The following SEC63 variants were observed in gnomAD, a reference collection of about 807,000 sequenced individuals.
The protein encoded by SEC63 is SEC63 protein translocation regulator.
A neutral mutation model predicts 116.2 loss-of-function variants in SEC63; 56 were observed. The observed-to-expected ratio is 0.48, with a 90% CI of 0.39 to 0.60. SEC63 has a LOEUF of 0.60. Ranked by LOEUF, SEC63 falls within the 20% of genes least tolerant of loss-of-function variation. The pLI is 0.00. For missense variants in SEC63, 668 were observed against 900.0 expected (o/e 0.74, Z 3.30); for synonymous variants, 273 against 294.6 (o/e 0.93, Z 0.75).
chr6:107,924,711 C>A, intron 3 of SEC63, 107 bp downstream of exon 3: 1 of 678,374 alleles, frequency 1.5e-6, no homozygotes, highest in South Asian at 1.6e-5. Context: ...AACAAACTGA[C>A]CAAAGTCTGA....
chr6:107,876,943 A>G (rs749928255), intron 18 of SEC63: 4 of 368,162 alleles, frequency 1.1e-5, no homozygotes, highest in Non-Finnish European at 1.0e-5. Context: ...ACTAACCTTA[A>G]GTAACAAGCA....
At chr6:107,953,614 T>G (rs1300033020) in intron 1 of SEC63, among the ~76,000 whole-genome samples, 2 of 108,350 alleles carry the variant, frequency 1.8e-5, no homozygotes, top group Non-Finnish European at 1.8e-5. Context: ...GTCCGGGAGG[T>G]GAGGGGCGCC....
At chr6:107,925,652 G>A (rs1218989969) in intron 2 of SEC63, among the ~76,000 whole-genome samples, 1 of 152,180 alleles carries the variant, frequency 6.6e-6, no homozygotes, top group Admixed American at 6.5e-5. Flanking sequence ...AAGAAAAAGA[G>A]AAACTCTCAT....
intron 18 of SEC63, among the ~76,000 whole-genome samples, chr6:107,878,230 T>C (rs1786325991): frequency 6.6e-6 from 1 of 152,266 alleles, no homozygotes; most frequent in Admixed American, 6.5e-5. Context: ...GTTATTTCAC[T>C]TCCCTAAAAT....
chr6:107,951,754 C>T (rs1232965728), intron 1 of SEC63, among the ~76,000 whole-genome samples: 2 of 151,740 alleles, frequency 1.3e-5, no homozygotes, highest in Non-Finnish European at 2.9e-5. Flanking sequence ...GAGGCTGAGG[C>T]AGGCGGATCA....
At position 107,958,126 on chromosome 6, in the gene SEC63, T is replaced by A; in HGVS notation, c.-117A>T. ...GCTTGGACACTGCCGCCGCCGCCTC[T>A]CCTCCCCGCCCCCACGCCACTCTCA... On this transcript the variant is annotated 5_prime_UTR_variant, in exon 1 of 21. Coordinates refer to ENST00000369002, the MANE Select transcript of SEC63 (RefSeq NM_007214.5). The A allele has an allele frequency of 6.7e-7, 1 of 1,484,662 alleles. No individual in the cohort carries two copies. The highest frequency in any genetic ancestry group is 1.1e-5 in the South Asian group (1 of 87,322). The allele number at this position is 1,484,662 out of a possible 1,614,324, so 92.0% of individuals were successfully genotyped here.
At position 107,896,697 on chromosome 6, in the gene SEC63, G is replaced by A. The variant is rs139054797; in HGVS notation, c.1440+952C>T. Reference sequence around the variant, plus strand: ...TTTCCTAAAGAAAATGAGAGAGACGGGCTGAGTGCGGTAGCTCACGCCTGT... The same window carrying A: ...TTTCCTAAAGAAAATGAGAGAGACGAGCTGAGTGCGGTAGCTCACGCCTGT... On this transcript the variant is annotated intron_variant, in intron 14 of 20. Transcript: ENST00000369002. Among the ~76,000 whole-genome samples the A allele has an allele frequency of 1.4e-4, 21 of 152,248 alleles. No individual in the cohort carries two copies. In the East Asian group the frequency reaches 3.9e-3, roughly 28 times the overall value.
chr6:107,922,500 C>T (rs548443442), intron 3 of SEC63, among the ~76,000 whole-genome samples: 8 of 152,102 alleles, frequency 5.3e-5, no homozygotes, highest in Non-Finnish European at 7.4e-5. Flanking sequence ...AGTGAGACTT[C>T]GTCTCTCAAA....
chr6:107,879,887 G>A (rs568223990), intron 18 of SEC63, among the ~76,000 whole-genome samples: 2 of 152,118 alleles, frequency 1.3e-5, no homozygotes, highest in East Asian at 3.9e-4. Context: ...CACAGCACTT[G>A]GCCACTAATA....
At chr6:107,892,541 G>T (rs1221671993) in intron 16 of SEC63, among the ~76,000 whole-genome samples, 2 of 152,118 alleles carry the variant, frequency 1.3e-5, no homozygotes, top group South Asian at 4.2e-4. Flanking sequence ...GATGAAAGAT[G>T]ACCTCACTGA....
At chr6:107,911,269 A>C in intron 7 of SEC63, 77 bp downstream of exon 7, 1 of 967,650 alleles carries the variant, frequency 1.0e-6, no homozygotes, top group Non-Finnish European at 1.7e-6. Flanking sequence ...ACATACATTT[A>C]AAATGTTATA....
At chr6:107,932,408 C>T (rs893781189) in intron 1 of SEC63, among the ~76,000 whole-genome samples, 2 of 152,122 alleles carry the variant, frequency 1.3e-5, no homozygotes, top group Non-Finnish European at 2.9e-5. Flanking sequence ...TACCTTGTTA[C>T]CACCATGCTT....
chr6:107,953,656 A>AG (rs1249381760), intron 1 of SEC63, among the ~76,000 whole-genome samples: 1 of 132,912 alleles, frequency 7.5e-6, no homozygotes, highest in Non-Finnish European at 1.6e-5. Flanking sequence ...GCAAGTGAGG[A>AG]GCCCCTCTGC....
rs553571645 is a variant in SEC63 at position 107,900,246 on chromosome 6, T to C, written c.1357+1124A>G. On this transcript the variant is annotated intron_variant, in intron 13 of 20. Coordinates refer to ENST00000369002, the MANE Select transcript of SEC63 (RefSeq NM_007214.5). ...AACTCCTGGGTTCAAGTGATCCCCC[T>C]GCCTTGGCCTCCCAAAGTGTTGGGA... Among the ~76,000 whole-genome samples, 227 of 151,476 alleles carry C rather than the reference T, an allele frequency of 1.5e-3. 3 individuals carry two copies. Among genetic ancestry groups the C allele is most frequent in the African/African-American group, 5.2e-3 (216 of 41,382 alleles).
At chr6:107,875,988 T>C (rs535357483) in intron 19 of SEC63, among the ~76,000 whole-genome samples, 3 of 152,182 alleles carry the variant, frequency 2.0e-5, no homozygotes, top group South Asian at 4.2e-4. Context: ...ATCAACATCA[T>C]AGGGCTATCT....
intron 19 of SEC63, among the ~76,000 whole-genome samples, chr6:107,875,111 G>A (rs999958980): frequency 3.9e-5 from 6 of 152,076 alleles, no homozygotes; most frequent in African/African-American, 9.6e-5. Context: ...TGATCTGCCC[G>A]CCTTGGCCTC....
At chr6:107,915,959 T>A (rs1230230382) in intron 4 of SEC63, among the ~76,000 whole-genome samples, 1 of 152,238 alleles carries the variant, frequency 6.6e-6, no homozygotes, top group Non-Finnish European at 1.5e-5. Flanking sequence ...ATACATAAAA[T>A]ATTCTACAGT....
At chr6:107,873,436 T>G (rs985183763) in intron 19 of SEC63, among the ~76,000 whole-genome samples, 1 of 152,172 alleles carries the variant, frequency 6.6e-6, no homozygotes, top group African/African-American at 2.4e-5. Flanking sequence ...AAAGAACAAT[T>G]TTTTAAAAAT....
chr6:107,916,314 C>T (rs1157052547), intron 4 of SEC63, among the ~76,000 whole-genome samples: 9 of 152,180 alleles, frequency 5.9e-5, no homozygotes, highest in East Asian at 1.9e-4. Context: ...ACAACTGCTA[C>T]GCAGAAAATG....
Sources: allele counts gnomAD v4.1 joint callset (sites outside exome capture counted in the v4.1 genomes callset), GRCh38; gene constraint gnomAD v4.1.1; transcripts MANE v1.5; gene names NCBI Gene and HGNC (gene_info 2026-07-23, HGNC 2026-07-21).